The following SLC6A17 variants were observed in gnomAD, a reference collection of about 807,000 sequenced individuals.
SLC6A17 encodes sodium-dependent neutral amino acid transporter SLC6A17.
A neutral mutation model predicts 64.5 loss-of-function variants in SLC6A17; 21 were observed. The ratio of observed to expected loss-of-function variants is 0.33; its 90% confidence interval spans 0.23 to 0.47. SLC6A17 has a LOEUF of 0.47. Among genes scored for constraint, SLC6A17 ranks in the 20% least tolerant of loss-of-function variants. The pLI is 1.00. For missense variants in SLC6A17, 682 were observed against 963.2 expected (o/e 0.71, Z 3.86); for synonymous variants, 372 against 399.5 (o/e 0.93, Z 0.82).
In SLC6A17 at chr1:110,167,040, A is replaced by G. The variant is rs780736178; in HGVS notation, c.111A>G (p.Val37=). The part of the protein sequence containing the change: ...LEEPVDYKQS[V]LNVAGEAGGK... ...AGCCTGTGGACTATAAGCAGAGTGT[A>G]CTGAATGTGGCTGGTGAGGCAGGCG... Residue 37 remains valine (V), a synonymous_variant, in exon 2 of 12, where the codon GTA becomes GTG. Coordinates refer to ENST00000331565, the MANE Select transcript of SLC6A17 (RefSeq NM_001010898.4). 8.7e-6 allele frequency: 14 copies of G among 1,612,462 alleles called. No homozygotes were observed. Among genetic ancestry groups the G allele is most frequent in the Middle Eastern group, 3.3e-4 (2 of 6,080 alleles).
In SLC6A17 at chr1:110,200,443, G is replaced by A. The variant is rs993969105; in HGVS notation, c.*1999G>A. On this transcript the variant is annotated 3_prime_UTR_variant, in exon 12 of 12. Coordinates refer to ENST00000331565, the MANE Select transcript of SLC6A17 (RefSeq NM_001010898.4). The stretch of plus-strand genomic sequence containing the variant: ...AGCAGAATTAGCAACAGGAAAAGCA[G>A]AGCCCCAGGAGAGACACTCTACTAT... 1.2e-5 allele frequency: 3 copies of A among 240,986 alleles called. No homozygotes were observed. Among genetic ancestry groups the A allele is most frequent in the Non-Finnish European group, 2.4e-5 (3 of 126,642 alleles). 14.9% of individuals were successfully genotyped at this position (240,986 alleles called of 1,614,324 possible). A position where few individuals can be genotyped will look rare whatever the true frequency, so the allele number is the denominator to read the frequency against.
chr1:110,189,826 A>G (rs372223437), intron 6 of SLC6A17, among the ~76,000 whole-genome samples: 1 of 151,976 alleles, frequency 6.6e-6, no homozygotes, highest in East Asian at 1.9e-4. Flanking sequence ...TCAGCTTTCA[A>G]ATGTCAGCTT....
chr1:110,167,229 C>T lies in SLC6A17; in HGVS notation c.286+14C>T, dbSNP rs180859985. On this transcript the variant is annotated intron_variant, in intron 2 of 11. Transcript: ENST00000331565. Reference sequence around the variant, plus strand: ...AAAATGGAGGAGGTAAGAGACAGCTCTGCCTGCATCAGGGGTCCCCTGCAA... The same window carrying T: ...AAAATGGAGGAGGTAAGAGACAGCTTTGCCTGCATCAGGGGTCCCCTGCAA... The T allele has an allele frequency of 2.1e-4, 332 of 1,601,698 alleles. 1 individual carries two copies. The African/African-American group carries it at 3.8e-3, about 18-fold the overall frequency.
chr1:110,194,465 C>T (rs1656908103), intron 8 of SLC6A17, 114 bp from the exon 9 acceptor site: 1 of 1,122,164 alleles, frequency 8.9e-7, no homozygotes, highest in Non-Finnish European at 1.3e-6. Context: ...GAGGTGGGAA[C>T]CCCTGTGAAA....
intron 6 of SLC6A17, among the ~76,000 whole-genome samples, chr1:110,183,654 G>A (rs973209442): frequency 6.6e-6 from 1 of 152,190 alleles, no homozygotes; most frequent in Admixed American, 6.5e-5. Flanking sequence ...GGAGAAATAA[G>A]CAGGAGGGAG....
chr1:110,196,055 C>T (rs1388696886), intron 10 of SLC6A17, among the ~76,000 whole-genome samples: 1 of 152,160 alleles, frequency 6.6e-6, no homozygotes, highest in Non-Finnish European at 1.5e-5. Flanking sequence ...AGTGGGTCTA[C>T]AAGAGGCCCT....
In SLC6A17 at chr1:110,200,517, T is replaced by G. The variant is rs1657098439; in HGVS notation, c.*2073T>G. On this transcript the variant is annotated 3_prime_UTR_variant, in exon 12 of 12. Transcript: ENST00000331565. ...TTCTATTGTATATTCACTCTGTACA[T>G]GTGGGTGTAAATGCTGTTAAATGAC... The G allele has an allele frequency of 6.2e-6, 1 of 161,418 alleles. No individual in the cohort carries two copies. Among genetic ancestry groups the G allele is most frequent in the African/African-American group, 2.4e-5 (1 of 41,906 alleles). 10.0% of individuals were successfully genotyped at this position (161,418 alleles called of 1,614,324 possible). A position where few individuals can be genotyped will look rare whatever the true frequency, so the allele number is the denominator to read the frequency against.
chr1:110,197,721 A>G (rs1657009402), intron 11 of SLC6A17, 122 bp downstream of exon 11: 4 of 1,155,488 alleles, frequency 3.5e-6, no homozygotes, highest in Non-Finnish European at 4.7e-6. Context: ...CAGGTGCCTC[A>G]CACCTAAACC....
In SLC6A17 at chr1:110,151,986, A is replaced by G. The variant is rs147014755; in HGVS notation, c.-88+1103A>G. On this transcript the variant is annotated intron_variant, in intron 1 of 11. Transcript: ENST00000331565. ...AACAGGAACTTCAGGAACAAAGACA[A>G]TCCTGTAATGGCTCCAAAAAAATTC... is the stretch of plus-strand genomic sequence containing the variant. Among the ~76,000 whole-genome samples the G allele has an allele frequency of 1.1e-3, 168 of 152,234 alleles. 2 individuals are homozygous for G. Among genetic ancestry groups the G allele is most frequent in the African/African-American group, 3.8e-3 (156 of 41,528 alleles).
At chr1:110,190,197 C>T (rs890326468) in intron 6 of SLC6A17, among the ~76,000 whole-genome samples, 1 of 151,886 alleles carries the variant, frequency 6.6e-6, no homozygotes, top group African/African-American at 2.4e-5. Flanking sequence ...TCATAGATGC[C>T]AAGGGGCCCT....
chr1:110,174,148 G>A (rs756055739), intron 4 of SLC6A17, 49 bp downstream of exon 4: 4 of 1,604,270 alleles, frequency 2.5e-6, no homozygotes, highest in East Asian at 2.2e-5. Context: ...GTCCCAGGAA[G>A]GGGTCTCACA....
At chr1:110,190,626 T>TA (rs900266931) in intron 6 of SLC6A17, among the ~76,000 whole-genome samples, 1 of 152,184 alleles carries the variant, frequency 6.6e-6, no homozygotes, top group African/African-American at 2.4e-5. Flanking sequence ...GGTGAGGACT[T>TA]ACCCACAGGT....
At chr1:110,172,917 T>C (rs1656280484) in intron 3 of SLC6A17, among the ~76,000 whole-genome samples, 1 of 152,212 alleles carries the variant, frequency 6.6e-6, no homozygotes, top group African/African-American at 2.4e-5. Context: ...TGCTCACACC[T>C]GGGATAAAGA....
rs62000400 is a variant in SLC6A17, at chr1:110,174,078, G to C, written c.550G>C (p.Val184Leu). The C allele has an allele frequency of 2.1e-5, 34 of 1,613,992 alleles. No individual in the cohort carries two copies. The highest frequency in any genetic ancestry group is 5.5e-5 in the South Asian group (5 of 91,064). ...YPLPWSECPV[V>L]RNGSVAVVEA... is the part of the protein sequence containing the mutation. ...GCTGCCCTGGAGTGAATGTCCTGTC[G>C]TCAGGAATGGGAGCGTGGCAGGCAA... The change falls in exon 4 of 12, where the codon GTC (valine) becomes CTC (leucine). Residue 184 changes from valine to leucine, a missense_variant. By Grantham distance (32) the Val-to-Leu change is conservative. Around this residue, in one of 3 missense-constraint regions of SLC6A17, gnomAD observed 415 missense variants for 603.8 expected, o/e 0.69. Coordinates refer to ENST00000331565, the MANE Select transcript of SLC6A17 (RefSeq NM_001010898.4).
chr1:110,197,276 G>A (rs141411950), intron 10 of SLC6A17, among the ~76,000 whole-genome samples, 161 bp from the exon 11 acceptor site: 1 of 152,326 alleles, frequency 6.6e-6, no homozygotes, highest in African/African-American at 2.4e-5. Context: ...CCTTCCCAGA[G>A]GCCAGCCAGA....
chr1:110,176,739 G>C lies in SLC6A17; in HGVS notation c.864G>C (p.Lys288Asn). The change falls in exon 6 of 12, where the codon AAG becomes AAC. Residue 288 changes from lysine to asparagine, a missense_variant and splice_region_variant. Around this residue, in one of 3 missense-constraint regions of SLC6A17, gnomAD observed 415 missense variants for 603.8 expected, o/e 0.69. Coordinates refer to ENST00000331565, the MANE Select transcript of SLC6A17 (RefSeq NM_001010898.4). ...GCATCCTACACATGTTCACTCCCAA[G>C]GTAAGGGTTTGGGGCTCCCACATGC... is the stretch of plus-strand genomic sequence containing the variant. ...VDGILHMFTP[K>N]LDKMLDPQVW... 6.2e-7 allele frequency: 1 copy of C among 1,612,394 alleles called. No homozygotes were observed. Among genetic ancestry groups the C allele is most frequent in the Non-Finnish European group, 8.5e-7 (1 of 1,178,930 alleles).
Position 110,192,847 on chromosome 1 carries a change from G to A in SLC6A17, c.1299+149G>A. 2 of 940,292 alleles carry A rather than the reference G, an allele frequency of 2.1e-6. No homozygotes were observed. Among genetic ancestry groups the A allele is most frequent in the African/African-American group, 1.7e-5 (1 of 60,076 alleles). 58.2% of individuals were successfully genotyped at this position (940,292 alleles called of 1,614,324 possible). A position where few individuals can be genotyped will look rare whatever the true frequency, so the allele number is the denominator to read the frequency against. On this transcript the variant is annotated intron_variant, in intron 8 of 11. Transcript: ENST00000331565. This position sits in a 1 kb window ranked among gnomAD's most constrained non-coding sequence, Gnocchi z 4.3. Reference sequence around the variant, plus strand: ...GATCTGCTGTGTGTCCAGAGGGAGTGAAAGGGAAGAAAGGTATTGGCCAAA... The same window carrying A: ...GATCTGCTGTGTGTCCAGAGGGAGTAAAAGGGAAGAAAGGTATTGGCCAAA...
At chr1:110,164,426 G>A (rs142197149) in intron 1 of SLC6A17, among the ~76,000 whole-genome samples, 6 of 152,294 alleles carry the variant, frequency 3.9e-5, no homozygotes, top group South Asian at 4.1e-4. Flanking sequence ...ATGTTGAGTC[G>A]GACAATTGCT....
chr1:110,198,622 G>T lies in SLC6A17; in HGVS notation c.*178G>T, dbSNP rs549598846. The T allele has an allele frequency of 4.4e-5, 49 of 1,109,832 alleles. No individual in the cohort carries two copies. The African/African-American group carries it at 7.7e-4, about 17-fold the overall frequency. The allele number at this position is 1,109,832 out of a possible 1,614,324, so 68.7% of individuals were successfully genotyped here. On this transcript the variant is annotated 3_prime_UTR_variant, in exon 12 of 12. Transcript: ENST00000331565. ...AGTAGACTCTGCTCCCTAGCCCTGA[G>T]CAGGAGGCTGGGAGCAGCTCTGTTT...
Sources: allele counts gnomAD v4.1 joint callset (sites outside exome capture counted in the v4.1 genomes callset), GRCh38; gene constraint gnomAD v4.1.1; regional missense constraint gnomAD v4.1.1; non-coding constraint Gnocchi (gnomAD v3.1); transcripts MANE v1.5; gene names NCBI Gene and HGNC (gene_info 2026-07-23, HGNC 2026-07-21).